The following CBR4 variants were observed in gnomAD, a reference collection of about 807,000 sequenced individuals.
CBR4 encodes carbonyl reductase 4.
Under a neutral mutation model 21.0 loss-of-function variants are expected in CBR4, and 22 were observed. The ratio of observed to expected loss-of-function variants is 1.05; its 90% CI spans 0.75 to 1.50. CBR4 has a LOEUF of 1.50. Among genes scored for constraint, CBR4 ranks in the 40% most tolerant of loss-of-function variants. The probability of loss-of-function intolerance (pLI) is 0.00; values close to 1 mark genes in which losing one functional copy is unlikely to be tolerated. For synonymous variants in CBR4, 100 were observed against 104.4 expected, an observed-to-expected ratio of 0.96 and a Z score of 0.26; for missense variants, 302 against 286.3, an observed-to-expected ratio of 1.05 and a Z score of -0.40.
rs116212723 is a variant in CBR4, at chr4:168,959,362, C to T, written n.169+42709G>A. On this transcript the variant is annotated intron_variant and non_coding_transcript_variant, in intron 2 of 3. Coordinates refer to the CBR4 transcript ENST00000509108. ...TGACCATACTTGTGTGGCTCCACTT[C>T]TGGGTTCTCTCTTTAGTTCCACTGA... is the stretch of plus-strand genomic sequence containing the variant. Among the ~76,000 whole-genome samples the T allele has an allele frequency of 3.4e-3, 519 of 152,264 alleles. 6 individuals are homozygous for T. Among genetic ancestry groups the T allele is most frequent in the African/African-American group, 0.011 (459 of 41,550 alleles).
chr4:168,931,798 G>T (rs1762976669), intron 2 of CBR4, among the ~76,000 whole-genome samples: 1 of 152,092 alleles, frequency 6.6e-6, no homozygotes, highest in Non-Finnish European at 1.5e-5. Flanking sequence ...AATTCTCACA[G>T]CCTAGGCCAC....
At chr4:168,910,022 C>G (rs942441026) in intron 2 of CBR4, among the ~76,000 whole-genome samples, 1 of 152,084 alleles carries the variant, frequency 6.6e-6, no homozygotes, top group Non-Finnish European at 1.5e-5. Context: ...ACACCTTCCC[C>G]TTTCATGTTC....
At chr4:168,971,642 G>T (rs6831613) in intron 2 of CBR4, among the ~76,000 whole-genome samples, 4 of 151,850 alleles carry the variant, frequency 2.6e-5, no homozygotes, top group Admixed American at 1.3e-4. Context: ...CTTTATGATA[G>T]GATTATTTGT....
chr4:168,957,860 G>A (rs978876459), intron 2 of CBR4, among the ~76,000 whole-genome samples: 5 of 152,072 alleles, frequency 3.3e-5, no homozygotes, highest in African/African-American at 9.7e-5. Context: ...TGCTGTTCTC[G>A]TGATAGTGAG....
intron 2 of CBR4, among the ~76,000 whole-genome samples, chr4:168,976,716 G>A (rs180950155): frequency 3.3e-5 from 5 of 152,308 alleles, no homozygotes; most frequent in African/African-American, 1.2e-4. Flanking sequence ...CACAAGGGTG[G>A]GGGAATATCG....
chr4:168,895,402 A>G (rs906857872), intron 2 of CBR4, among the ~76,000 whole-genome samples: 2 of 152,164 alleles, frequency 1.3e-5, no homozygotes, highest in African/African-American at 4.8e-5. Context: ...AAAACTAAAA[A>G]CACATATACG....
At chr4:168,981,412 A>T (rs1326629782) in intron 2 of CBR4, among the ~76,000 whole-genome samples, 1 of 152,188 alleles carries the variant, frequency 6.6e-6, no homozygotes, top group Admixed American at 6.5e-5. Flanking sequence ...AAAATAAAAT[A>T]AAAATAAAGA....
intron 2 of CBR4, among the ~76,000 whole-genome samples, chr4:168,962,920 CAGAGA>C (rs1426235353): frequency 1.3e-5 from 2 of 151,992 alleles, no homozygotes; most frequent in African/African-American, 4.8e-5. Flanking sequence ...TTCTTAAAGA[CAGAGA>C]AGAGAAGGGG....
chr4:168,924,804 T>TAATCTCTACAGAATA (rs1231743583), intron 2 of CBR4: 11 of 799,950 alleles, frequency 1.4e-5, no homozygotes, highest in African/African-American at 1.2e-4. Flanking sequence ...ATGGAGCTAG[T>TAATCTCTACAGAATA]AATCTCTACA....
At chr4:168,915,859 A>G (rs777401617) in intron 2 of CBR4, 4 of 1,569,310 alleles carry the variant, frequency 2.5e-6, no homozygotes, top group South Asian at 1.1e-5. Context: ...ACTACTATCT[A>G]TATTTCTATC....
chr4:169,005,820 CAG>C, intron 3 of CBR4: 1 of 1,154,690 alleles, frequency 8.7e-7, no homozygotes, highest in South Asian at 1.3e-5. Flanking sequence ...ACTTTCAAAA[CAG>C]AAAAACTCTA....
At chr4:168,940,792 G>A (rs1170908009) in intron 2 of CBR4, among the ~76,000 whole-genome samples, 1 of 152,232 alleles carries the variant, frequency 6.6e-6, no homozygotes, top group Non-Finnish European at 1.5e-5. Context: ...AGATGCTGGA[G>A]AGGATGTGGA....
chr4:168,957,343 A>T (rs1763717029), intron 2 of CBR4, among the ~76,000 whole-genome samples: 1 of 152,038 alleles, frequency 6.6e-6, no homozygotes, highest in Non-Finnish European at 1.5e-5. Context: ...ATGACTAGTC[A>T]CTACAAGACT....
chr4:168,956,901 C>G (rs1354703580), intron 2 of CBR4, among the ~76,000 whole-genome samples: 1 of 152,116 alleles, frequency 6.6e-6, no homozygotes, highest in Non-Finnish European at 1.5e-5. Flanking sequence ...TGTTTCACAT[C>G]TATGAAAGGG....
intron 2 of CBR4, among the ~76,000 whole-genome samples, chr4:168,971,945 A>C (rs1277533542): frequency 1.3e-5 from 2 of 152,132 alleles, no homozygotes; most frequent in Non-Finnish European, 2.9e-5. Context: ...TCTTTGATTC[A>C]TCTTGAATTG....
At chr4:168,958,197 G>A (rs916924523) in intron 2 of CBR4, among the ~76,000 whole-genome samples, 4 of 151,998 alleles carry the variant, frequency 2.6e-5, no homozygotes, top group East Asian at 1.9e-4. Flanking sequence ...CCAAGAGGCG[G>A]AGGTTGCAGT....
At chr4:168,950,311 C>G (rs1363461697) in intron 2 of CBR4, among the ~76,000 whole-genome samples, 1 of 152,174 alleles carries the variant, frequency 6.6e-6, no homozygotes, top group African/African-American at 2.4e-5. Context: ...TGTGTTATTA[C>G]TGTCATTCAG....
chr4:168,974,194 T>C (rs1301140270), intron 2 of CBR4, among the ~76,000 whole-genome samples: 1 of 152,240 alleles, frequency 6.6e-6, no homozygotes, highest in Non-Finnish European at 1.5e-5. Context: ...TTAGTTTCAC[T>C]AGATACAAAA....
chr4:169,006,295 G>C (rs1730906183), intron 3 of CBR4, among the ~76,000 whole-genome samples: 1 of 151,940 alleles, frequency 6.6e-6, no homozygotes. Flanking sequence ...GAGCCCATGA[G>C]TTAAAGACCA....
Sources: allele counts gnomAD v4.1 joint callset (sites outside exome capture counted in the v4.1 genomes callset), GRCh38; gene constraint gnomAD v4.1.1; transcripts MANE v1.5; gene names NCBI Gene and HGNC (gene_info 2026-07-23, HGNC 2026-07-21).